Variants in DENND1A observed in about 807,000 individuals in gnomAD.
DENND1A encodes the protein DENN domain-containing protein 1A.
A neutral mutation model predicts 113.7 loss-of-function variants in DENND1A; 51 were observed. The ratio of observed to expected loss-of-function variants is 0.45; its 90% CI spans 0.36 to 0.57. The LOEUF (loss-of-function observed/expected upper bound fraction) is 0.57. Ranked by LOEUF, DENND1A falls within the 20% of genes least tolerant of loss-of-function variation. DENND1A has a pLI of 0.00. For synonymous variants in DENND1A, 565 were observed against 570.8 expected (o/e 0.99, Z 0.14); for missense variants, 1,258 against 1,395.9 (o/e 0.90, Z 1.57).
chr9:123,702,075 T>C (rs919216143), intron 5 of DENND1A, among the ~76,000 whole-genome samples: 1 of 151,940 alleles, frequency 6.6e-6, no homozygotes, highest in Admixed American at 6.5e-5. Context: ...ACATAATAAG[T>C]GACCAGAATT....
At chr9:123,456,281 C>A (rs561059983) in intron 15 of DENND1A, among the ~76,000 whole-genome samples, 41 of 152,178 alleles carry the variant, frequency 2.7e-4, no homozygotes, top group Non-Finnish European at 3.7e-4. Context: ...GGGCACACAC[C>A]CAGCAATAAA....
rs564855359 is a variant in DENND1A, at chr9:123,562,403, G to A, written c.868-4708C>T. ...GGGGGCCTCTGAAATACATTATCCC[G>A]CATCCTCACCAGGAAATATCACATA... On this transcript the variant is annotated intron_variant, in intron 12 of 23. Transcript: ENST00000394215. Among the ~76,000 whole-genome samples, 33 of 152,098 alleles carry A rather than the reference G, an allele frequency of 2.2e-4. No homozygotes were observed. In the East Asian group the frequency reaches 3.1e-3, roughly 14 times the overall value.
At chr9:123,484,815 G>A (rs1564575383) in intron 13 of DENND1A, among the ~76,000 whole-genome samples, 2 of 152,132 alleles carry the variant, frequency 1.3e-5, no homozygotes, top group African/African-American at 2.4e-5. Context: ...GGAGCTTCTG[G>A]GCAACAGTGG....
At chr9:123,688,834 T>C (rs1348354432) in intron 5 of DENND1A, among the ~76,000 whole-genome samples, 1 of 152,186 alleles carries the variant, frequency 6.6e-6, no homozygotes, top group African/African-American at 2.4e-5. Flanking sequence ...TTTGTACAGA[T>C]GGCACTGCTT....
chr9:123,839,193 G>A (rs940159637), intron 2 of DENND1A, among the ~76,000 whole-genome samples: 3 of 152,170 alleles, frequency 2.0e-5, no homozygotes, highest in African/African-American at 4.8e-5. Context: ...AGTGGTGAAC[G>A]AAGGAAGCCA....
chr9:123,922,921 C>A (rs1856512830), intron 1 of DENND1A, among the ~76,000 whole-genome samples: 2 of 152,154 alleles, frequency 1.3e-5, no homozygotes, highest in Admixed American at 6.5e-5. Context: ...TTTTCAAGTC[C>A]TGAATACTCG....
At chr9:123,490,781 C>T (rs1385821973) in intron 13 of DENND1A, among the ~76,000 whole-genome samples, 1 of 151,976 alleles carries the variant, frequency 6.6e-6, no homozygotes, top group African/African-American at 2.4e-5. Flanking sequence ...ATGAGAGTTA[C>T]GTTGTTTTTT....
intron 12 of DENND1A, among the ~76,000 whole-genome samples, chr9:123,576,507 C>T (rs2058645398): frequency 6.6e-6 from 1 of 151,230 alleles, no homozygotes; most frequent in African/African-American, 2.4e-5. Context: ...CTAGTTTTGC[C>T]TTTTTTTTTG....
chr9:123,412,348 T>C (rs1341035816), intron 19 of DENND1A, among the ~76,000 whole-genome samples: 1 of 152,244 alleles, frequency 6.6e-6, no homozygotes, highest in East Asian at 1.9e-4. Context: ...CTGCTCCGGC[T>C]GGACTGGCCT....
intron 12 of DENND1A, among the ~76,000 whole-genome samples, chr9:123,560,219 T>C (rs2057664549): frequency 1.3e-5 from 2 of 152,212 alleles, no homozygotes; most frequent in Admixed American, 1.3e-4. Context: ...GCAAAAATCC[T>C]CTGCCAGACC....
intron 18 of DENND1A, among the ~76,000 whole-genome samples, chr9:123,447,545 A>T (rs947762587): frequency 6.6e-6 from 1 of 152,124 alleles, no homozygotes; most frequent in African/African-American, 2.4e-5. Context: ...TTTGCAATTC[A>T]AACCCAAGGC....
chr9:123,824,624 AT>A (rs1361152269), intron 2 of DENND1A, among the ~76,000 whole-genome samples: 1 of 152,122 alleles, frequency 6.6e-6, no homozygotes, highest in Non-Finnish European at 1.5e-5. Flanking sequence ...CAAAATAGCT[AT>A]TTTTCCAAAT....
intron 21 of DENND1A, among the ~76,000 whole-genome samples, chr9:123,399,452 A>G (rs539736451): frequency 9.9e-5 from 15 of 151,984 alleles, no homozygotes; most frequent in African/African-American, 3.6e-4. Flanking sequence ...TGCAACCTTC[A>G]ACTCCCCAGG....
In DENND1A at chr9:123,486,267, T is replaced by C. The variant is rs752800950; in HGVS notation, c.994-28370A>G. Among the ~76,000 whole-genome samples the C allele has an allele frequency of 2.2e-4, 34 of 152,100 alleles. 1 individual carries two copies. Among genetic ancestry groups the C allele is most frequent in the Non-Finnish European group, 3.8e-4 (26 of 68,002 alleles). On this transcript the variant is annotated intron_variant, in intron 13 of 23. Transcript: ENST00000394215. ...ATCCAATGAAGGCCCCACCCTGAAC[T>C]TGAGCTAGTCAGAGGGCAACGTGTC...
At chr9:123,674,684 C>T (rs901881996) in intron 6 of DENND1A, among the ~76,000 whole-genome samples, 1 of 152,210 alleles carries the variant, frequency 6.6e-6, no homozygotes. Flanking sequence ...AGGCAGAGTC[C>T]TGCTGAAGCA....
intron 3 of DENND1A, among the ~76,000 whole-genome samples, chr9:123,790,798 A>G (rs533358883): frequency 6.6e-6 from 1 of 152,300 alleles, no homozygotes; most frequent in African/African-American, 2.4e-5. Context: ...ATGTGTATGC[A>G]TATACGTACA....
At chr9:123,871,330 T>C (rs1846573678) in intron 2 of DENND1A, among the ~76,000 whole-genome samples, 1 of 152,062 alleles carries the variant, frequency 6.6e-6, no homozygotes, top group Non-Finnish European at 1.5e-5. Flanking sequence ...GCAATCCACC[T>C]GCCTCAGCCT....
chr9:123,386,468 G>A (rs2808412), intron 22 of DENND1A, among the ~76,000 whole-genome samples: 80,117 of 148,786 alleles, frequency 0.54, 22,552 homozygotes, highest in Non-Finnish European at 0.65. Context: ...TGCAACCTCC[G>A]CCTCCCGGGT....
At chr9:123,508,888 C>A (rs1316273012) in intron 13 of DENND1A, among the ~76,000 whole-genome samples, 4 of 152,196 alleles carry the variant, frequency 2.6e-5, no homozygotes, top group Admixed American at 2.6e-4. Context: ...GAGCAGAGTA[C>A]CCCCGGCTGT....
Sources: allele counts gnomAD v4.1 joint callset (sites outside exome capture counted in the v4.1 genomes callset), GRCh38; gene constraint gnomAD v4.1.1; transcripts MANE v1.5; gene names NCBI Gene and HGNC (gene_info 2026-07-23, HGNC 2026-07-21).